PALLD: variants seen among roughly 807,000 people sequenced by gnomAD.
PALLD encodes palladin.
A neutral mutation model predicts 123.5 loss-of-function variants in PALLD; 61 were observed. The observed-to-expected ratio is 0.49, with a 90% CI of 0.40 to 0.61. The LOEUF (loss-of-function observed/expected upper bound fraction) is 0.61, where lower values mean the gene tolerates loss of function less well. Among genes scored for constraint, PALLD ranks in the 20% least tolerant of loss-of-function variants. PALLD has a pLI of 0.00. For synonymous variants in PALLD, 465 were observed against 496.4 expected (o/e 0.94, Z 0.84); for missense variants, 1,273 against 1,377.0 (o/e 0.92, Z 1.20).
At chr4:168,686,214 T>A (rs1782033635) in intron 6 of PALLD, among the ~76,000 whole-genome samples, 1 of 152,056 alleles carries the variant, frequency 6.6e-6, no homozygotes, top group Admixed American at 6.6e-5. Flanking sequence ...TTTGGTTTGG[T>A]TTGTTTTTTT....
intron 10 of PALLD, among the ~76,000 whole-genome samples, chr4:168,861,071 A>C (rs1294414895): frequency 6.6e-6 from 1 of 152,246 alleles, no homozygotes; most frequent in East Asian, 1.9e-4. Context: ...ATACACAGTG[A>C]GCTGATAACT....
chr4:168,511,939 A>C lies in PALLD; in HGVS notation c.435A>C (p.Ala145=). 6.2e-7 allele frequency: 1 copy of C among 1,614,206 alleles called. No homozygotes were observed. ...RSLRKAEKRG[A]KTPSTNVKPK... is the part of the protein sequence containing the mutation. ...TCCGAAAGGCTGAAAAGCGTGGTGCAAAAACTCCCAGCACAAACGTAAAGC... is the reference window on the plus strand; with the variant it reads ...TCCGAAAGGCTGAAAAGCGTGGTGCCAAAACTCCCAGCACAAACGTAAAGC... Residue 145 remains alanine (A), a synonymous_variant, in exon 2 of 22, where the codon GCA becomes GCC. Coordinates refer to ENST00000505667, the MANE Select transcript of PALLD (RefSeq NM_001166108.2).
intron 10 of PALLD, among the ~76,000 whole-genome samples, chr4:168,803,868 T>C (rs1243840316): frequency 1.3e-5 from 2 of 152,148 alleles, no homozygotes; most frequent in Admixed American, 1.3e-4. Context: ...TGAAGTGTGT[T>C]GTCAGCAGAA....
At chr4:168,669,406 CA>C (rs1779959106) in intron 3 of PALLD, among the ~76,000 whole-genome samples, 1 of 151,116 alleles carries the variant, frequency 6.6e-6, no homozygotes. Flanking sequence ...TCTCAAAAAA[CA>C]AAACAAAACA....
At chr4:168,899,297 A>G (rs1582002655) in intron 14 of PALLD, among the ~76,000 whole-genome samples, 1 of 152,174 alleles carries the variant, frequency 6.6e-6, no homozygotes, top group Admixed American at 6.5e-5. Context: ...CTGGATAAGG[A>G]GCTGCCCTAT....
intron 10 of PALLD, among the ~76,000 whole-genome samples, chr4:168,731,237 G>GT (rs1787141299): frequency 6.6e-6 from 1 of 152,178 alleles, no homozygotes; most frequent in East Asian, 1.9e-4. Context: ...GTTGCTCTCA[G>GT]TTTTTTCACG....
At chr4:168,643,887 G>C (rs1777188435) in intron 2 of PALLD, among the ~76,000 whole-genome samples, 1 of 152,076 alleles carries the variant, frequency 6.6e-6, no homozygotes, top group African/African-American at 2.4e-5. Flanking sequence ...CTGAAGCTCA[G>C]AGAGGCTAAG....
chr4:168,562,019 T>A lies in PALLD; in HGVS notation c.908+49607T>A, dbSNP rs184728017. On this transcript the variant is annotated intron_variant, in intron 2 of 21. Coordinates refer to ENST00000505667, the MANE Select transcript of PALLD (RefSeq NM_001166108.2). ...GACATTGCCTAAATATTTATTCTCA[T>A]AACAGCTGGATTATTATCTACAGGT... is the stretch of plus-strand genomic sequence containing the variant. Among the ~76,000 whole-genome samples, 18 of 151,880 alleles carry A rather than the reference T, an allele frequency of 1.2e-4. No individual in the cohort carries two copies. In the East Asian group the frequency reaches 3.1e-3, roughly 26 times the overall value.
chr4:168,884,247 A>C (rs887660053), intron 10 of PALLD, among the ~76,000 whole-genome samples: 4 of 152,188 alleles, frequency 2.6e-5, no homozygotes, highest in African/African-American at 9.7e-5. Context: ...AATTTCGTAA[A>C]GTGTTTCTGA....
intron 2 of PALLD, among the ~76,000 whole-genome samples, chr4:168,634,659 C>T (rs573968768): frequency 1.2e-4 from 19 of 152,190 alleles, no homozygotes; most frequent in Non-Finnish European, 2.1e-4. Context: ...CACATTCCAT[C>T]GCCTGGAGAC....
intron 3 of PALLD, among the ~76,000 whole-genome samples, chr4:168,681,065 A>G (rs987128049): frequency 2.6e-5 from 4 of 152,216 alleles, no homozygotes; most frequent in African/African-American, 9.6e-5. Context: ...TGATGACCAC[A>G]GTGATAAAAA....
chr4:168,770,343 T>C (rs1281047924), intron 10 of PALLD, among the ~76,000 whole-genome samples: 1 of 152,194 alleles, frequency 6.6e-6, no homozygotes, highest in Non-Finnish European at 1.5e-5. Context: ...TGTGTACCCC[T>C]CTGCCCTGAG....
intron 17 of PALLD, among the ~76,000 whole-genome samples, chr4:168,918,730 T>G (rs1367034846): frequency 6.6e-6 from 1 of 152,132 alleles, no homozygotes; most frequent in East Asian, 1.9e-4. Flanking sequence ...ATCAGCTCAG[T>G]TTAGGTATTC....
chr4:168,842,303 C>T (rs1746149528), intron 10 of PALLD, among the ~76,000 whole-genome samples: 1 of 152,234 alleles, frequency 6.6e-6, no homozygotes, highest in East Asian at 1.9e-4. Context: ...CATTCCAGCT[C>T]ACAGCAGTCT....
intron 10 of PALLD, among the ~76,000 whole-genome samples, chr4:168,808,516 T>C (rs1740573546): frequency 6.6e-6 from 1 of 152,158 alleles, no homozygotes; most frequent in Non-Finnish European, 1.5e-5. Flanking sequence ...ATATTTGTGT[T>C]GAAAATTGAG....
At chr4:168,681,989 C>A (rs912110109) in intron 4 of PALLD, among the ~76,000 whole-genome samples, 2 of 152,154 alleles carry the variant, frequency 1.3e-5, no homozygotes, top group Non-Finnish European at 2.9e-5. Flanking sequence ...AGAGAAGTCA[C>A]ATTAAGAGAA....
chr4:168,812,990 A>T (rs977594425), intron 10 of PALLD, among the ~76,000 whole-genome samples: 4 of 152,078 alleles, frequency 2.6e-5, no homozygotes, highest in African/African-American at 7.2e-5. Context: ...CTGGGCCTGG[A>T]GCTGAGGGAC....
At chr4:168,550,585 G>C (rs376705941) in intron 2 of PALLD, among the ~76,000 whole-genome samples, 2 of 152,082 alleles carry the variant, frequency 1.3e-5, no homozygotes, top group East Asian at 3.9e-4. Context: ...AGAGCCACTG[G>C]GAGAGTCTCC....
chr4:168,671,522 A>G (rs1780279902), intron 3 of PALLD, among the ~76,000 whole-genome samples: 1 of 152,236 alleles, frequency 6.6e-6, no homozygotes, highest in African/African-American at 2.4e-5. Context: ...AGGGAGAGTA[A>G]GGAAACTGGA....
Sources: gnomAD v4.1 joint callset for allele counts (sites outside exome capture counted in the v4.1 genomes callset) on GRCh38, gnomAD v4.1.1 for gene constraint, MANE v1.5 for transcripts, NCBI Gene and HGNC (gene_info 2026-07-23, HGNC 2026-07-21) for gene names.